The following ABTB3 variants were observed in gnomAD, a reference collection of about 807,000 sequenced individuals.
ABTB3 encodes ankyrin repeat- and BTB/POZ domain-containing protein 3.
the ABTB3 span, among the ~76,000 whole-genome samples, chr12:107,621,588 G>T: frequency 6.6e-6 from 1 of 152,262 alleles, no homozygotes; most frequent in South Asian, 2.1e-4. Context: ...TTACTTTGAG[G>T]TATGACATAC....
At chr12:107,556,997 G>C in the ABTB3 span, among the ~76,000 whole-genome samples, 1 of 152,108 alleles carries the variant, frequency 6.6e-6, no homozygotes, top group South Asian at 2.1e-4. Context: ...GTGCGACAGA[G>C]TGAGACTCTG....
the ABTB3 span, among the ~76,000 whole-genome samples, chr12:107,374,325 C>T: frequency 7.2e-5 from 11 of 152,326 alleles, no homozygotes; most frequent in African/African-American, 2.6e-4. Flanking sequence ...CCCTAGTTGT[C>T]TAACCTACAT....
chr12:107,358,796 T>C, the ABTB3 span, among the ~76,000 whole-genome samples: 1 of 152,170 alleles, frequency 6.6e-6, no homozygotes, highest in Admixed American at 6.5e-5. Context: ...AGTTTCACCA[T>C]GTTGACCGGG....
At chr12:107,620,189 G>A in the ABTB3 span, 2 of 1,610,892 alleles carry the variant, frequency 1.2e-6, no homozygotes, top group East Asian at 4.5e-5. Flanking sequence ...AGGTTGTTGT[G>A]GTCATCGGCA....
chr12:107,333,743 C>T, the ABTB3 span, among the ~76,000 whole-genome samples: 1 of 152,206 alleles, frequency 6.6e-6, no homozygotes, highest in Non-Finnish European at 1.5e-5. Flanking sequence ...AGAAAAAAAT[C>T]ATTGCCTTTA....
chr12:107,582,500 T>C, the ABTB3 span, among the ~76,000 whole-genome samples: 1 of 152,192 alleles, frequency 6.6e-6, no homozygotes, highest in Non-Finnish European at 1.5e-5. Flanking sequence ...TTTCTGGCTG[T>C]GCCACCATGC....
At chr12:107,421,390 G>A in the ABTB3 span, among the ~76,000 whole-genome samples, 1 of 152,186 alleles carries the variant, frequency 6.6e-6, no homozygotes, top group African/African-American at 2.4e-5. Flanking sequence ...TGAGAGGGAT[G>A]GCAAGTACTG....
chr12:107,478,851 G>T, the ABTB3 span, among the ~76,000 whole-genome samples: 1 of 151,880 alleles, frequency 6.6e-6, no homozygotes, highest in African/African-American at 2.4e-5. Context: ...CCTCAAAATG[G>T]CCCTCAGTCC....
the ABTB3 span, among the ~76,000 whole-genome samples, chr12:107,439,042 C>T: frequency 6.6e-6 from 1 of 152,134 alleles, no homozygotes; most frequent in African/African-American, 2.4e-5. Context: ...TTGTTAACAG[C>T]CATGGAAGTG....
the ABTB3 span, among the ~76,000 whole-genome samples, chr12:107,438,996 ACATAAGGCTT>A: frequency 6.6e-6 from 1 of 152,238 alleles, no homozygotes; most frequent in Non-Finnish European, 1.5e-5. Context: ...TGTTCTGCAA[ACATAAGGCTT>A]CACCCCTTTT....
chr12:107,400,758 A>G, the ABTB3 span, among the ~76,000 whole-genome samples: 1 of 152,080 alleles, frequency 6.6e-6, no homozygotes, highest in Non-Finnish European at 1.5e-5. Flanking sequence ...CAAGAGTGCT[A>G]CCTGAGTGAA....
At chr12:107,404,480 C>G in the ABTB3 span, among the ~76,000 whole-genome samples, 3,640 of 152,198 alleles carry the variant, frequency 0.024, 147 homozygotes, top group African/African-American at 0.079. Flanking sequence ...CCTCTCGGGA[C>G]CCCCTCCTTG....
the ABTB3 span, among the ~76,000 whole-genome samples, chr12:107,437,431 C>A: frequency 6.7e-6 from 1 of 148,862 alleles, no homozygotes; most frequent in Non-Finnish European, 1.5e-5. Flanking sequence ...GAGTCTCACT[C>A]TGTCACCCAG....
At chr12:107,400,859 G>A in the ABTB3 span, among the ~76,000 whole-genome samples, 1 of 152,062 alleles carries the variant, frequency 6.6e-6, no homozygotes, top group Non-Finnish European at 1.5e-5. Flanking sequence ...AGAGGAAAAT[G>A]GACTGGCAGT....
chr12:107,513,750 A>G, the ABTB3 span, among the ~76,000 whole-genome samples: 6,953 of 152,270 alleles, frequency 0.046, 522 homozygotes, highest in African/African-American at 0.16. Flanking sequence ...CTATTTGCCA[A>G]GGGGCCATCC....
At chr12:107,405,100 C>A in the ABTB3 span, among the ~76,000 whole-genome samples, 3 of 152,242 alleles carry the variant, frequency 2.0e-5, no homozygotes, top group Non-Finnish European at 2.9e-5. Context: ...GTGAAGTAGA[C>A]AAGGCACTGG....
chr12:107,621,360 T>C, the ABTB3 span, among the ~76,000 whole-genome samples: 12 of 152,182 alleles, frequency 7.9e-5, no homozygotes, highest in Non-Finnish European at 1.5e-4. Context: ...ACTCCCCACC[T>C]GACTTAAAAA....
the ABTB3 span, chr12:107,618,326 T>C: frequency 6.2e-7 from 1 of 1,613,742 alleles, no homozygotes; most frequent in Non-Finnish European, 8.5e-7. Flanking sequence ...AGGCCATGTA[T>C]CACAGCGCTG....
At chr12:107,479,470 G>T in the ABTB3 span, among the ~76,000 whole-genome samples, 5 of 152,118 alleles carry the variant, frequency 3.3e-5, no homozygotes, top group East Asian at 9.7e-4. Flanking sequence ...CACTTTATAG[G>T]GCTGTTGTGA....
Sources: allele counts gnomAD v4.1 joint callset (sites outside exome capture counted in the v4.1 genomes callset), GRCh38; gene constraint gnomAD v4.1.1; transcripts MANE v1.5; gene names NCBI Gene and HGNC (gene_info 2026-07-23, HGNC 2026-07-21).